Variants in TRAPPC11 observed in about 807,000 individuals in gnomAD.
TRAPPC11 encodes the protein trafficking protein particle complex subunit 11, also known as foie gras homolog.
TRAPPC11 carries 104 observed loss-of-function variants against 151.2 expected under a neutral mutation model. That is an observed-to-expected ratio of 0.69 (90% CI 0.59 to 0.81). The LOEUF (loss-of-function observed/expected upper bound fraction) is 0.81. Among genes scored for constraint, TRAPPC11 ranks in the 30% least tolerant of loss-of-function variants. The probability of loss-of-function intolerance (pLI) is 0.00; values close to 1 mark genes in which losing one functional copy is unlikely to be tolerated. For missense variants in TRAPPC11, 1,230 were observed against 1,349.6 expected, an observed-to-expected ratio of 0.91 and a Z score of 1.39; for synonymous variants, 456 against 472.3, an observed-to-expected ratio of 0.97 and a Z score of 0.45.
intron 18 of TRAPPC11, among the ~76,000 whole-genome samples, chr4:183,687,463 G>C (rs1285866812): frequency 1.3e-5 from 2 of 151,870 alleles, no homozygotes; most frequent in East Asian, 3.9e-4. Flanking sequence ...TAAGTAGCTG[G>C]AACTACAGGC....
At chr4:183,711,862 TTG>T (rs1214754106) in intron 29 of TRAPPC11, among the ~76,000 whole-genome samples, 5 of 152,248 alleles carry the variant, frequency 3.3e-5, no homozygotes, top group Non-Finnish European at 5.9e-5. Context: ...ATAAAATTAT[TTG>T]TAAGAATTGT....
intron 17 of TRAPPC11, 91 bp downstream of exon 17, chr4:183,685,494 GA>G: frequency 1.4e-6 from 2 of 1,436,106 alleles, no homozygotes; most frequent in South Asian, 2.8e-5. Context: ...TAAAAGTCAA[GA>G]AAGAGTTTTC....
Position 183,706,944 on chromosome 4 carries a change from C to T in TRAPPC11, c.3189+4C>T, listed in dbSNP as rs964098072. 2.0e-5 allele frequency: 32 copies of T among 1,613,258 alleles called. No individual in the cohort carries two copies. Among genetic ancestry groups the T allele is most frequent in the Non-Finnish European group, 2.5e-5 (30 of 1,179,750 alleles). Reference sequence around the variant, plus strand: ...CATGTTCTCAGGTCTCAAACAGGTACAGGTCATATCTTGTGATGCTTATGT... The same window carrying T: ...CATGTTCTCAGGTCTCAAACAGGTATAGGTCATATCTTGTGATGCTTATGT... On this transcript the variant is annotated splice_donor_region_variant and intron_variant, in intron 28 of 29. Transcript: ENST00000334690.
intron 1 of TRAPPC11, among the ~76,000 whole-genome samples, chr4:183,661,987 ACT>A: frequency 6.6e-6 from 1 of 151,180 alleles, no homozygotes; most frequent in African/African-American, 2.4e-5. Flanking sequence ...CCAGTCTTGA[ACT>A]CCTGGCCTCA....
chr4:183,673,906 A>G (rs141641612), intron 5 of TRAPPC11, among the ~76,000 whole-genome samples: 8 of 152,284 alleles, frequency 5.3e-5, no homozygotes, highest in African/African-American at 1.4e-4. Flanking sequence ...TATGTAAGTT[A>G]TAGAATGATG....
At chr4:183,690,950 C>G (rs531716193) in intron 18 of TRAPPC11, among the ~76,000 whole-genome samples, 4 of 151,996 alleles carry the variant, frequency 2.6e-5, no homozygotes, top group Non-Finnish European at 4.4e-5. Flanking sequence ...GTAGGAAAAA[C>G]AGGAAGTAAC....
chr4:183,680,059 C>A, intron 9 of TRAPPC11, 61 bp from the exon 10 acceptor site: 7 of 1,463,066 alleles, frequency 4.8e-6, no homozygotes, highest in Non-Finnish European at 6.6e-6. Flanking sequence ...GGATGAATTA[C>A]CAGAAATAAG....
chr4:183,704,919 C>G, intron 26 of TRAPPC11, 60 bp from the exon 27 acceptor site: 1 of 1,134,126 alleles, frequency 8.8e-7, no homozygotes, highest in Non-Finnish European at 1.3e-6. Context: ...TGATGAACTT[C>G]TTTCATAGTT....
chr4:183,690,142 G>A (rs1736187606), intron 18 of TRAPPC11, among the ~76,000 whole-genome samples: 1 of 152,036 alleles, frequency 6.6e-6, no homozygotes. Context: ...GGCGGAGGTT[G>A]TAGTGAGCTG....
intron 1 of TRAPPC11, among the ~76,000 whole-genome samples, chr4:183,663,384 C>A (rs1156982335): frequency 6.6e-6 from 1 of 152,194 alleles, no homozygotes; most frequent in Non-Finnish European, 1.5e-5. Flanking sequence ...CAGGCGCCCA[C>A]CACCACGCCC....
At chr4:183,693,215 A>T in intron 20 of TRAPPC11, 68 bp downstream of exon 20, 2 of 1,421,512 alleles carry the variant, frequency 1.4e-6, no homozygotes, top group South Asian at 2.8e-5. Context: ...TTTTTTGGAG[A>T]CAGAGTCTCT....
chr4:183,682,754 C>A lies in TRAPPC11; in HGVS notation c.1136C>A (p.Pro379His). 6.2e-7 allele frequency: 1 copy of A among 1,613,312 alleles called. No individual in the cohort carries two copies. The highest frequency in any genetic ancestry group is 8.5e-7 in the Non-Finnish European group (1 of 1,179,392). The change falls in exon 11 of 30, where the codon CCT (proline) becomes CAT (histidine). Residue 379 changes from proline (P) to histidine (H), a missense_variant. Transcript: ENST00000334690. ...CAGGCTTCTGTAATGTATCCCAATC[C>A]TGATCCCTTAGAAACACAAACAGGC... is the stretch of plus-strand genomic sequence containing the variant. ...NHEASVMYPN[P>H]DPLETQTGVL...
At chr4:183,666,181 T>G in intron 2 of TRAPPC11, 76 bp from the exon 3 acceptor site, 11 of 1,401,010 alleles carry the variant, frequency 7.9e-6, no homozygotes, top group Non-Finnish European at 1.1e-5. Flanking sequence ...TCAATGCACA[T>G]AAAGTGCTTG....
rs574023041 is a variant in TRAPPC11, at chr4:183,680,360, A to G, written c.1113+93A>G. 26 of 1,358,402 alleles carry G rather than the reference A, an allele frequency of 1.9e-5. No individual in the cohort carries two copies. The African/African-American group carries it at 3.7e-4, about 19-fold the overall frequency. 84.1% of individuals were successfully genotyped at this position (1,358,402 alleles called of 1,614,324 possible). A position where few individuals can be genotyped will look rare whatever the true frequency, so the allele number is the denominator to read the frequency against. Reference sequence around the variant, plus strand: ...TGATTGGTGTTGATAATTTTTTCCAAGTCTTTAAATTTAATTAGTTTTTAT... The same window carrying G: ...TGATTGGTGTTGATAATTTTTTCCAGGTCTTTAAATTTAATTAGTTTTTAT... On this transcript the variant is annotated intron_variant, in intron 10 of 29. Coordinates refer to ENST00000334690, the MANE Select transcript of TRAPPC11 (RefSeq NM_021942.6).
intron 1 of TRAPPC11, among the ~76,000 whole-genome samples, chr4:183,660,771 T>G (rs1426299298): frequency 6.6e-6 from 1 of 152,198 alleles, no homozygotes; most frequent in Non-Finnish European, 1.5e-5. Context: ...TGGAGTGCAG[T>G]GGTGCGATCT....
rs1734698425 is a variant in TRAPPC11 at position 183,663,905 on chromosome 4, G to C, written c.38G>C (p.Cys13Ser). 1 of 1,614,160 alleles carries C rather than the reference G, an allele frequency of 6.2e-7. No individual in the cohort carries two copies. The highest frequency in any genetic ancestry group is 8.5e-7 in the Non-Finnish European group (1 of 1,180,028). The change falls in exon 2 of 30, where the codon TGT becomes TCT. Residue 13 changes from cysteine (C) to serine (S), a missense_variant. By Grantham distance (112) the Cys-to-Ser change is moderately radical. Transcript: ENST00000334690. ...CAGTGGGACTTCCCTGTGGAATTAT[G>C]TTGCCGGCCTATGGCCTTTGTTACT... is the stretch of plus-strand genomic sequence containing the variant. ...PTQWDFPVEL[C>S]CRPMAFVTLT...
chr4:183,702,511 T>C (rs1209433298), intron 26 of TRAPPC11, among the ~76,000 whole-genome samples: 1 of 152,156 alleles, frequency 6.6e-6, no homozygotes, highest in Non-Finnish European at 1.5e-5. Flanking sequence ...CATCAACATC[T>C]TAAGGTAAAG....
intron 19 of TRAPPC11, among the ~76,000 whole-genome samples, chr4:183,692,265 C>T (rs533703298): frequency 2.0e-5 from 3 of 152,110 alleles, no homozygotes; most frequent in South Asian, 4.1e-4. Flanking sequence ...GTTAGCTCAT[C>T]TAAACTTGGG....
chr4:183,696,238 G>A (rs183351605), intron 23 of TRAPPC11, among the ~76,000 whole-genome samples: 1 of 152,318 alleles, frequency 6.6e-6, no homozygotes, highest in Non-Finnish European at 1.5e-5. Context: ...AGGTCACAGA[G>A]CTAGTAAATA....
Sources: gnomAD v4.1 joint callset for allele counts (sites outside exome capture counted in the v4.1 genomes callset) on GRCh38, gnomAD v4.1.1 for gene constraint, MANE v1.5 for transcripts, NCBI Gene and HGNC (gene_info 2026-07-23, HGNC 2026-07-21) for gene names.